Variants in BMPR1B observed in about 807,000 individuals in gnomAD.
BMPR1B encodes the protein bone morphogenetic protein receptor type-1B.
BMPR1B carries 12 observed loss-of-function variants against 59.1 expected under a neutral mutation model. The ratio of observed to expected loss-of-function variants is 0.20; its 90% CI spans 0.13 to 0.33. BMPR1B has a LOEUF of 0.33. Among genes scored for constraint, BMPR1B ranks in the 10% least tolerant of loss-of-function variants. The pLI is 1.00. For synonymous variants in BMPR1B, 237 were observed against 207.3 expected, an observed-to-expected ratio of 1.14 and a Z score of -1.23; for missense variants, 550 against 610.9, an observed-to-expected ratio of 0.90 and a Z score of 1.05.
chr4:94,949,533 G>T (rs1221572670), intron 2 of BMPR1B, among the ~76,000 whole-genome samples: 11 of 56,900 alleles, frequency 1.9e-4, no homozygotes, highest in African/African-American at 8.6e-4. Context: ...AGCCAGGATG[G>T]TCTCGATCTC....
intron 2 of BMPR1B, among the ~76,000 whole-genome samples, chr4:94,894,319 T>G (rs982043069): frequency 1.3e-5 from 2 of 152,090 alleles, no homozygotes; most frequent in African/African-American, 4.8e-5. Context: ...ATAGATCAAC[T>G]GTTCTTGAAT....
intron 10 of BMPR1B, among the ~76,000 whole-genome samples, chr4:95,136,110 A>G (rs1222599545): frequency 3.9e-5 from 6 of 152,228 alleles, no homozygotes; most frequent in Non-Finnish European, 7.4e-5. Flanking sequence ...TTCTGCATCT[A>G]TTGAGATGAT....
chr4:94,975,109 C>T lies in BMPR1B; in HGVS notation c.-112-20931C>T, dbSNP rs556528479. Among the ~76,000 whole-genome samples the T allele has an allele frequency of 2.6e-5, 4 of 152,254 alleles. No homozygotes were observed. The South Asian group carries it at 8.3e-4, about 32-fold the overall frequency. ...AAAGGTATTGGGCTACTTCAGGCTC[C>T]AAGGTCTCCTCAGGATGTGGGCTTT... On this transcript the variant is annotated intron_variant, in intron 2 of 12. Coordinates refer to ENST00000515059, the MANE Select transcript of BMPR1B (RefSeq NM_001203.3).
intron 3 of BMPR1B, among the ~76,000 whole-genome samples, chr4:95,050,422 A>G (rs1181033889): frequency 1.3e-5 from 2 of 152,158 alleles, no homozygotes; most frequent in Non-Finnish European, 2.9e-5. Flanking sequence ...TACTTAGGAA[A>G]GTATAAATTG....
intron 2 of BMPR1B, among the ~76,000 whole-genome samples, chr4:94,956,012 C>T (rs1730128500): frequency 1.3e-5 from 2 of 151,984 alleles, no homozygotes; most frequent in African/African-American, 4.8e-5. Flanking sequence ...CAGATGTTGC[C>T]AATAGATTTT....
chr4:94,867,544 G>T (rs1726295624), intron 1 of BMPR1B, among the ~76,000 whole-genome samples: 1 of 152,020 alleles, frequency 6.6e-6, no homozygotes, highest in Non-Finnish European at 1.5e-5. Flanking sequence ...TACCATCTCA[G>T]TTTTCACCTT....
chr4:95,099,879 A>G (rs1276883424), intron 3 of BMPR1B, among the ~76,000 whole-genome samples: 2 of 152,186 alleles, frequency 1.3e-5, no homozygotes, highest in African/African-American at 2.4e-5. Flanking sequence ...TGCTCCTACT[A>G]CATACGTACA....
intron 1 of BMPR1B, among the ~76,000 whole-genome samples, chr4:94,817,637 G>A (rs543139901): frequency 2.1e-4 from 32 of 152,140 alleles, no homozygotes; most frequent in African/African-American, 7.5e-4. Flanking sequence ...TGATGGACCT[G>A]TGCCTGTGTC....
At chr4:95,029,070 T>TTATC (rs1174675247) in intron 3 of BMPR1B, among the ~76,000 whole-genome samples, 1 of 150,916 alleles carries the variant, frequency 6.6e-6, no homozygotes, top group African/African-American at 2.4e-5. Flanking sequence ...CATTTTCTTT[T>TTATC]TATTTATTTA....
intron 1 of BMPR1B, among the ~76,000 whole-genome samples, chr4:94,774,495 T>A (rs1426740757): frequency 6.6e-6 from 1 of 152,060 alleles, no homozygotes; most frequent in East Asian, 1.9e-4. Flanking sequence ...TGGACTCTTT[T>A]CTTAGAAGTT....
chr4:94,981,693 A>G lies in BMPR1B; in HGVS notation c.-112-14347A>G, dbSNP rs3755873. Reference sequence around the variant, plus strand: ...CTATGATTAGGAGACTTTATTTTCCACTAAATACACTCTAAGGAAAGTTAT... The same window carrying G: ...CTATGATTAGGAGACTTTATTTTCCGCTAAATACACTCTAAGGAAAGTTAT... On this transcript the variant is annotated intron_variant, in intron 2 of 12. Coordinates refer to ENST00000515059, the MANE Select transcript of BMPR1B (RefSeq NM_001203.3). Among the ~76,000 whole-genome samples the G allele has an allele frequency of 1.8e-3, 274 of 152,356 alleles. 4 individuals carry two copies. In the East Asian group the frequency reaches 0.033, roughly 18 times the overall value.
At chr4:95,117,990 G>C (rs17348139) in intron 6 of BMPR1B, among the ~76,000 whole-genome samples, 70,583 of 151,938 alleles carry the variant, frequency 0.46, 17,920 homozygotes, top group Admixed American at 0.6. Flanking sequence ...CCAGGGCAGT[G>C]TGGAGATGAG....
chr4:94,773,268 T>C (rs1722251649), intron 1 of BMPR1B, among the ~76,000 whole-genome samples: 1 of 152,096 alleles, frequency 6.6e-6, no homozygotes, highest in Non-Finnish European at 1.5e-5. Flanking sequence ...TTAATAATAG[T>C]AGCATATATC....
intron 1 of BMPR1B, among the ~76,000 whole-genome samples, chr4:94,867,454 A>G (rs547965533): frequency 1.3e-5 from 2 of 152,282 alleles, no homozygotes; most frequent in African/African-American, 4.8e-5. Flanking sequence ...ATAGATCATT[A>G]ATTCTTGTTA....
At chr4:95,086,732 G>A (rs1229520179) in intron 3 of BMPR1B, among the ~76,000 whole-genome samples, 2 of 152,114 alleles carry the variant, frequency 1.3e-5, no homozygotes, top group African/African-American at 2.4e-5. Flanking sequence ...CCTTCAGGGA[G>A]CATTTGTAAT....
At chr4:94,816,271 C>T (rs1055910527) in intron 1 of BMPR1B, among the ~76,000 whole-genome samples, 6 of 152,250 alleles carry the variant, frequency 3.9e-5, no homozygotes, top group East Asian at 1.9e-4. Context: ...TTCAGCCTCC[C>T]GAGTACCTGG....
rs991070291 is a variant in BMPR1B at position 94,827,907 on chromosome 4, G to C, written c.-182-47924G>C. ...GAGTCAAAAGACATGTCATCACCTA[G>C]TTCCATAATTGGTGACTCACTTGCT... On this transcript the variant is annotated intron_variant, in intron 1 of 12. Transcript: ENST00000515059. Among the ~76,000 whole-genome samples the C allele has an allele frequency of 2.6e-5, 4 of 152,264 alleles. No individual in the cohort carries two copies. The South Asian group carries it at 8.3e-4, about 32-fold the overall frequency.
At chr4:94,773,141 A>T (rs1722247206) in intron 1 of BMPR1B, among the ~76,000 whole-genome samples, 1 of 152,120 alleles carries the variant, frequency 6.6e-6, no homozygotes, top group South Asian at 2.1e-4. Flanking sequence ...AGAGGAAGTC[A>T]AGTAGTATGT....
At chr4:95,093,854 C>G (rs999376789) in intron 3 of BMPR1B, among the ~76,000 whole-genome samples, 1 of 152,050 alleles carries the variant, frequency 6.6e-6, no homozygotes, top group Non-Finnish European at 1.5e-5. Context: ...ATTAGTGTGT[C>G]TCTTAACCTA....
Sources: allele counts gnomAD v4.1 joint callset (sites outside exome capture counted in the v4.1 genomes callset), GRCh38; gene constraint gnomAD v4.1.1; transcripts MANE v1.5; gene names NCBI Gene and HGNC (gene_info 2026-07-23, HGNC 2026-07-21).